The following HNMT variants were observed in gnomAD, a reference collection of about 807,000 sequenced individuals.
The protein encoded by HNMT is histamine N-methyltransferase.
In HNMT, 30 loss-of-function variants were observed where a neutral mutation model predicts 32.1. The ratio of observed to expected loss-of-function variants is 0.93; its 90% CI spans 0.70 to 1.27. The LOEUF (loss-of-function observed/expected upper bound fraction) is 1.27, where lower values mean the gene tolerates loss of function less well. Among genes scored for constraint, HNMT ranks in the 50% most tolerant of loss-of-function variants. The probability of loss-of-function intolerance (pLI) is 0.00; values close to 1 mark genes in which losing one functional copy is unlikely to be tolerated. For synonymous variants in HNMT, 125 were observed against 119.0 expected, an observed-to-expected ratio of 1.05 and a Z score of -0.33; for missense variants, 327 against 346.0, an observed-to-expected ratio of 0.95 and a Z score of 0.43.
At chr2:137,997,859 T>C (rs3113220) in intron 2 of HNMT, among the ~76,000 whole-genome samples, 58,385 of 152,022 alleles carry the variant, frequency 0.38, 11,366 homozygotes, top group South Asian at 0.47. Context: ...AATGAGTTCA[T>C]GTCCTTCACA....
chr2:137,964,957 C>T (rs1158867773), intron 1 of HNMT, among the ~76,000 whole-genome samples: 1 of 152,146 alleles, frequency 6.6e-6, no homozygotes, highest in Non-Finnish European at 1.5e-5. Flanking sequence ...TTCAGCCCTC[C>T]TCCAAATTTT....
intron 5 of HNMT, among the ~76,000 whole-genome samples, chr2:138,009,286 T>C (rs938839292): frequency 6.6e-6 from 1 of 152,110 alleles, no homozygotes; most frequent in Non-Finnish European, 1.5e-5. Flanking sequence ...AAGGAACACA[T>C]ACATTGTTGG....
chr2:137,968,180 G>A (rs1397471529), intron 1 of HNMT, among the ~76,000 whole-genome samples: 3 of 152,140 alleles, frequency 2.0e-5, no homozygotes, highest in Non-Finnish European at 4.4e-5. Flanking sequence ...TTGGGGGCAG[G>A]AAAAATTATA....
chr2:137,984,160 G>T (rs956854060), intron 2 of HNMT, among the ~76,000 whole-genome samples: 3 of 152,158 alleles, frequency 2.0e-5, no homozygotes, highest in Non-Finnish European at 4.4e-5. Flanking sequence ...ATGCTGTAGT[G>T]AACGTGGTTC....
chr2:137,971,523 C>G (rs983564140), intron 2 of HNMT, among the ~76,000 whole-genome samples: 39 of 152,112 alleles, frequency 2.6e-4, no homozygotes, highest in Non-Finnish European at 2.9e-5. Context: ...ACTTTTAGAT[C>G]CAGTGCTTTC....
chr2:138,014,146 G>C lies in HNMT; in HGVS notation c.*16G>C. On this transcript the variant is annotated 3_prime_UTR_variant, in exon 6 of 6. Coordinates refer to ENST00000280097, the MANE Select transcript of HNMT (RefSeq NM_006895.3). ...TGAGGCATAACTATCAATCACAAAA[G>C]TATATTCAAAAATTATATTTTGAAC... The C allele has an allele frequency of 7.1e-7, 1 of 1,400,232 alleles. No homozygotes were observed. Among genetic ancestry groups the C allele is most frequent in the Non-Finnish European group, 9.8e-7 (1 of 1,020,678 alleles). 86.7% of individuals were successfully genotyped at this position (1,400,232 alleles called of 1,614,324 possible). A position where few individuals can be genotyped will look rare whatever the true frequency, so the allele number is the denominator to read the frequency against.
chr2:137,966,325 A>C (rs1034971779), intron 1 of HNMT, among the ~76,000 whole-genome samples: 5 of 152,214 alleles, frequency 3.3e-5, no homozygotes, highest in African/African-American at 1.2e-4. Context: ...CTCCGGAAGC[A>C]ACCACTTTCA....
In HNMT at chr2:138,015,248, TAATA is replaced by T. The variant is rs1352562181; in HGVS notation, c.*1127_*1130del. The T allele has an allele frequency of 3.3e-5, 5 of 152,140 alleles. No homozygotes were observed. The highest frequency in any genetic ancestry group is 2.1e-4 in the South Asian group (1 of 4,824). 9.4% of individuals were successfully genotyped at this position (152,140 alleles called of 1,614,324 possible). On this transcript the variant is annotated 3_prime_UTR_variant, in exon 6 of 6. Coordinates refer to ENST00000280097, the MANE Select transcript of HNMT (RefSeq NM_006895.3). ...TGACATAAACAGTACATTTAATAAT[TAATA>T]AATAAATATTTTAAGTATGTAAATA...
At chr2:137,990,226 C>T (rs1349576396) in intron 2 of HNMT, among the ~76,000 whole-genome samples, 1 of 152,176 alleles carries the variant, frequency 6.6e-6, no homozygotes, top group African/African-American at 2.4e-5. Flanking sequence ...ATGTTTTACA[C>T]ATAGTTCTAT....
At chr2:137,992,677 C>T (rs1023273490) in intron 2 of HNMT, among the ~76,000 whole-genome samples, 4 of 152,130 alleles carry the variant, frequency 2.6e-5, no homozygotes, top group South Asian at 2.1e-4. Flanking sequence ...GTGGGTTCCC[C>T]GCAAGTGAGG....
At chr2:137,991,540 G>T (rs1170310787) in intron 2 of HNMT, among the ~76,000 whole-genome samples, 2 of 152,122 alleles carry the variant, frequency 1.3e-5, no homozygotes, top group Non-Finnish European at 2.9e-5. Flanking sequence ...TGCTCCTGAG[G>T]CCAAAAGCAC....
chr2:138,007,227 G>A (rs546521851), intron 5 of HNMT, among the ~76,000 whole-genome samples: 1 of 152,058 alleles, frequency 6.6e-6, no homozygotes, highest in South Asian at 2.1e-4. Context: ...GAAAGATTTC[G>A]ATATTTTATT....
chr2:137,995,213 A>T (rs1309124579), intron 2 of HNMT, among the ~76,000 whole-genome samples: 7 of 152,200 alleles, frequency 4.6e-5, no homozygotes, highest in Admixed American at 4.6e-4. Context: ...TCCAAAAAAA[A>T]AATCAATGAG....
At chr2:137,987,592 C>T (rs1453516917) in intron 2 of HNMT, among the ~76,000 whole-genome samples, 2 of 126,592 alleles carry the variant, frequency 1.6e-5, no homozygotes, top group Non-Finnish European at 3.2e-5. Flanking sequence ...TTAGAAAGGA[C>T]AATGGCCACT....
rs560969362 is a variant in HNMT, at chr2:137,975,006, C to T, written c.190+4789C>T. 2.2e-4 allele frequency among the ~76,000 whole-genome samples: 34 copies of T among 152,260 alleles called. No homozygotes were observed. The South Asian group carries it at 7.0e-3, about 32-fold the overall frequency. ...ACACTCTCACTTCACAAATAAGAAA[C>T]CTGGGGACCATCAAGGCAGAAGAAA... On this transcript the variant is annotated intron_variant, in intron 2 of 5. Transcript: ENST00000280097.
intron 4 of HNMT, among the ~76,000 whole-genome samples, chr2:138,004,612 T>C (rs918877251): frequency 6.6e-6 from 1 of 152,096 alleles, no homozygotes; most frequent in African/African-American, 2.4e-5. Flanking sequence ...ATGCTTTATT[T>C]AGTCCAACTT....
chr2:137,984,647 T>C (rs763572434), intron 2 of HNMT, among the ~76,000 whole-genome samples: 1 of 152,204 alleles, frequency 6.6e-6, no homozygotes, highest in African/African-American at 2.4e-5. Context: ...TTGTTGGTTA[T>C]CTCGAAATCT....
chr2:138,002,086 C>T lies in HNMT; in HGVS notation c.321C>T (p.Asn107=). 6.3e-7 allele frequency: 1 copy of T among 1,591,356 alleles called. No homozygotes were observed. Among genetic ancestry groups the T allele is most frequent in the East Asian group, 2.3e-5 (1 of 44,154 alleles). ...KYKELVAKTS[N]LENVKFAWHK... ...TAGAGCTTGTAGCCAAGACATCGAA[C>T]CTCGAGAACGTAAAGTTTGCTTGGC... is the stretch of plus-strand genomic sequence containing the variant. The change falls in exon 4 of 6, where the codon AAC becomes AAT. Residue 107 remains asparagine (N), a synonymous_variant. Transcript: ENST00000280097.
intron 2 of HNMT, among the ~76,000 whole-genome samples, chr2:137,995,329 G>A (rs1027686927): frequency 8.6e-5 from 13 of 151,922 alleles, no homozygotes; most frequent in African/African-American, 3.1e-4. Flanking sequence ...AATGATAAAG[G>A]GGATATCACC....
Sources: allele counts gnomAD v4.1 joint callset (sites outside exome capture counted in the v4.1 genomes callset), GRCh38; gene constraint gnomAD v4.1.1; transcripts MANE v1.5; gene names NCBI Gene and HGNC (gene_info 2026-07-23, HGNC 2026-07-21).